The following ZFYVE9 variants were observed in gnomAD, a reference collection of about 807,000 sequenced individuals.
ZFYVE9 encodes zinc finger FYVE domain-containing protein 9.
In ZFYVE9, 43 loss-of-function variants were observed where a neutral mutation model predicts 126.7. The observed-to-expected ratio is 0.34, with a 90% CI of 0.27 to 0.44. The LOEUF (loss-of-function observed/expected upper bound fraction) is 0.44, where lower values mean the gene tolerates loss of function less well. ZFYVE9 is among the 20% of genes least tolerant of loss of function. The probability of loss-of-function intolerance (pLI) is 1.00; values close to 1 mark genes in which losing one functional copy is unlikely to be tolerated. For missense variants in ZFYVE9, 1,476 were observed against 1,697.0 expected (o/e 0.87, Z 2.29); for synonymous variants, 521 against 597.4 (o/e 0.87, Z 1.87).
chr1:52,313,153 A>G (rs1446085342), intron 13 of ZFYVE9, among the ~76,000 whole-genome samples: 1 of 152,090 alleles, frequency 6.6e-6, no homozygotes, highest in East Asian at 1.9e-4. Context: ...TTGATTTTGG[A>G]CTTCTAGCCT....
chr1:52,227,894 A>G (rs906314380), intron 2 of ZFYVE9, among the ~76,000 whole-genome samples: 1 of 152,052 alleles, frequency 6.6e-6, no homozygotes, highest in Non-Finnish European at 1.5e-5. Flanking sequence ...GCAGCCAGTA[A>G]TTCTTATTCT....
chr1:52,181,150 C>G (rs1388924459), intron 1 of ZFYVE9, among the ~76,000 whole-genome samples: 1 of 152,122 alleles, frequency 6.6e-6, no homozygotes, highest in African/African-American at 2.4e-5. Flanking sequence ...CTGGACTGTA[C>G]TGCTGCCATC....
At chr1:52,270,034 A>G (rs572392113) in intron 7 of ZFYVE9, among the ~76,000 whole-genome samples, 5 of 151,586 alleles carry the variant, frequency 3.3e-5, no homozygotes, top group African/African-American at 9.6e-5. Flanking sequence ...ATCTTCATCA[A>G]CTTAACCATT....
intron 1 of ZFYVE9, among the ~76,000 whole-genome samples, chr1:52,205,261 G>A (rs1237434350): frequency 6.6e-6 from 1 of 151,646 alleles, no homozygotes; most frequent in African/African-American, 2.4e-5. Context: ...TTTTTGTAGC[G>A]ATAGGGTTTT....
At chr1:52,280,071 A>G (rs1203455787) in intron 9 of ZFYVE9, among the ~76,000 whole-genome samples, 1 of 152,082 alleles carries the variant, frequency 6.6e-6, no homozygotes, top group East Asian at 1.9e-4. Flanking sequence ...TTTATAAATT[A>G]TGCTTAGAAA....
At chr1:52,223,847 G>A (rs1398936657) in intron 2 of ZFYVE9, among the ~76,000 whole-genome samples, 1 of 152,150 alleles carries the variant, frequency 6.6e-6, no homozygotes, top group Non-Finnish European at 1.5e-5. Flanking sequence ...ATTTTGAACA[G>A]GAGGGTGTTT....
At chr1:52,180,741 T>TGAGG (rs1644691065) in intron 1 of ZFYVE9, among the ~76,000 whole-genome samples, 1 of 152,156 alleles carries the variant, frequency 6.6e-6, no homozygotes, top group African/African-American at 2.4e-5. Flanking sequence ...TTTGGGAGCC[T>TGAGG]GAGGCAGGCA....
intron 13 of ZFYVE9, among the ~76,000 whole-genome samples, chr1:52,322,424 G>GGC (rs1646250003): frequency 7.0e-6 from 1 of 142,988 alleles, no homozygotes; most frequent in Admixed American, 7.4e-5. Flanking sequence ...GTGTCGCCCA[G>GGC]TGGAGTGCAA....
intron 4 of ZFYVE9, chr1:52,252,062 A>G (rs1006681862): frequency 1.8e-5 from 3 of 165,194 alleles, no homozygotes; most frequent in African/African-American, 7.3e-5. Flanking sequence ...CATTTACTTC[A>G]TTTTTTAGCT....
chr1:52,172,433 A>G (rs1301335411), intron 1 of ZFYVE9, among the ~76,000 whole-genome samples: 4 of 152,072 alleles, frequency 2.6e-5, no homozygotes, highest in Non-Finnish European at 5.9e-5. Flanking sequence ...GTCAGGTAGC[A>G]TGATGCCTCC....
intron 13 of ZFYVE9, among the ~76,000 whole-genome samples, chr1:52,323,073 G>A (rs958406228): frequency 6.6e-6 from 1 of 152,170 alleles, no homozygotes; most frequent in Non-Finnish European, 1.5e-5. Flanking sequence ...CAAAGTGCTG[G>A]GACTACAGGT....
At chr1:52,267,424 T>C (rs1645645363) in intron 6 of ZFYVE9, among the ~76,000 whole-genome samples, 1 of 152,156 alleles carries the variant, frequency 6.6e-6, no homozygotes, top group Non-Finnish European at 1.5e-5. Context: ...GATGATAATA[T>C]TGTCAGATGA....
At chr1:52,288,089 T>C (rs1369801935) in intron 10 of ZFYVE9, among the ~76,000 whole-genome samples, 1 of 152,230 alleles carries the variant, frequency 6.6e-6, no homozygotes, top group Non-Finnish European at 1.5e-5. Context: ...CATTGCCTTA[T>C]GTACACTATT....
Position 52,342,084 on chromosome 1 carries a change from G to A in ZFYVE9, c.3939+1853G>A, listed in dbSNP as rs999810818. 2.6e-5 allele frequency among the ~76,000 whole-genome samples: 4 copies of A among 152,186 alleles called. No homozygotes were observed. The South Asian group carries it at 6.2e-4, about 24-fold the overall frequency. On this transcript the variant is annotated intron_variant, in intron 17 of 18. Transcript: ENST00000287727. Reference sequence around the variant, plus strand: ...GGTTAATGGCAGAGCAGGGGCCAGCGCTCAGGTCTCCTGACTCCCACTCGG... The same window carrying A: ...GGTTAATGGCAGAGCAGGGGCCAGCACTCAGGTCTCCTGACTCCCACTCGG...
intron 1 of ZFYVE9, among the ~76,000 whole-genome samples, chr1:52,178,115 T>C (rs1477235345): frequency 6.6e-6 from 1 of 151,164 alleles, no homozygotes. Flanking sequence ...CCATCTCTAC[T>C]AAAAATACAA....
chr1:52,154,629 A>T (rs1407838434), intron 1 of ZFYVE9, among the ~76,000 whole-genome samples: 1 of 151,620 alleles, frequency 6.6e-6, no homozygotes, highest in Non-Finnish European at 1.5e-5. Flanking sequence ...CTCCACCCAT[A>T]CCCCTTGCCT....
intron 3 of ZFYVE9, among the ~76,000 whole-genome samples, chr1:52,234,639 AGAGG>A (rs1016184382): frequency 1.4e-4 from 21 of 152,154 alleles, no homozygotes; most frequent in African/African-American, 4.8e-4. Flanking sequence ...AGGAAGAGAG[AGAGG>A]AAGGCTACCA....
intron 1 of ZFYVE9, among the ~76,000 whole-genome samples, chr1:52,176,163 G>A (rs1390683553): frequency 1.3e-5 from 2 of 152,190 alleles, no homozygotes; most frequent in Non-Finnish European, 2.9e-5. Flanking sequence ...GTGATGTACA[G>A]ATGGGTTTTT....
chr1:52,325,018 G>A (rs919428117), intron 13 of ZFYVE9, among the ~76,000 whole-genome samples: 7 of 152,108 alleles, frequency 4.6e-5, no homozygotes, highest in African/African-American at 9.7e-5. Context: ...GGTGGCTCAC[G>A]CCTGTAATCC....
Sources: gnomAD v4.1 joint callset for allele counts (sites outside exome capture counted in the v4.1 genomes callset) on GRCh38, gnomAD v4.1.1 for gene constraint, MANE v1.5 for transcripts, NCBI Gene and HGNC (gene_info 2026-07-23, HGNC 2026-07-21) for gene names.